Variants in NUP205 observed in about 807,000 individuals in gnomAD.
NUP205 encodes nucleoporin 205, also known as nuclear pore complex protein Nup205.
In NUP205, 76 loss-of-function variants were observed where a neutral mutation model predicts 253.8. The observed-to-expected ratio is 0.30, with a 90% CI of 0.25 to 0.36. The LOEUF is 0.36. Among genes scored for constraint, NUP205 ranks in the 10% least tolerant of loss-of-function variants. NUP205 has a pLI of 1.00. For synonymous variants in NUP205, 832 were observed against 850.1 expected (o/e 0.98, Z 0.37); for missense variants, 2,162 against 2,425.5 (o/e 0.89, Z 2.28).
chr7:135,624,353 C>T (rs1026569597), intron 31 of NUP205, among the ~76,000 whole-genome samples: 1 of 150,716 alleles, frequency 6.6e-6, no homozygotes, highest in Middle Eastern at 3.5e-3. Context: ...AGGCATGCAC[C>T]ACCATGCTGG....
intron 1 of NUP205, among the ~76,000 whole-genome samples, chr7:135,570,048 TATATAGAGAGAGAGAGAGAGAGAG>T (rs1281620550): frequency 2.0e-5 from 2 of 99,772 alleles, no homozygotes; most frequent in Admixed American, 1.1e-4. Context: ...TATATATATA[TATATAGAGAGAGAGAGAGAGAGAG>T]AGAGAGAGAG....
Position 135,619,676 on chromosome 7 carries a change from T to G in NUP205, c.4217T>G (p.Phe1406Cys), listed in dbSNP as rs929894662. 1 of 1,611,916 alleles carries G rather than the reference T, an allele frequency of 6.2e-7. No individual in the cohort carries two copies. Among genetic ancestry groups the G allele is most frequent in the Non-Finnish European group, 8.5e-7 (1 of 1,179,156 alleles). ...ATCATATTGAAGAAACTGTTAGACT[T>G]CATTTTGAAGACAGGTTTTTTTCAT... ...LYIILKKLLD[F>C]ILKTGGGFQR... is the part of the protein sequence containing the mutation. The change falls in exon 29 of 43, where the codon TTC becomes TGC. Residue 1406 changes from phenylalanine (F) to cysteine (C), a missense_variant. By Grantham distance (205) the Phe-to-Cys change is radical. This residue lies in a region of NUP205 where 1,144 missense variants were observed against 1,280.9 expected (regional missense o/e 0.89). Transcript: ENST00000285968.
At chr7:135,567,154 A>ATATATG (rs1805799096) in intron 1 of NUP205, among the ~76,000 whole-genome samples, 1 of 93,442 alleles carries the variant, frequency 1.1e-5, no homozygotes, top group Non-Finnish European at 2.2e-5. Flanking sequence ...ATATATATAT[A>ATATATG]TATATATATA....
Position 135,601,453 on chromosome 7 carries a change from C to G in NUP205, c.2458C>G (p.Leu820Val), listed in dbSNP as rs1396871174. Residue 820 changes from leucine to valine, a missense_variant, in exon 17 of 43, where the codon CTC (leucine) becomes GTC (valine). Leu to Val is a conservative substitution (Grantham distance 32, BLOSUM62 1). Transcript: ENST00000285968. ...LNESPMLELALSLLEEGVKQL... is the reference protein window; with the variant it reads ...LNESPMLELAVSLLEEGVKQL... ...TGAGTCACCAATGTTGGAGCTTGCT[C>G]TCAGTTTACTGGAAGAAGGAGTTAA... 14 of 1,613,840 alleles carry G rather than the reference C, an allele frequency of 8.7e-6. No individual in the cohort carries two copies. The highest frequency in any genetic ancestry group is 1.7e-5 in the Admixed American group (1 of 59,978).
At position 135,600,093 on chromosome 7, in the gene NUP205, G is replaced by A. The variant is rs747144279; in HGVS notation, c.2275-777G>A. ...CAGTGGAAATAATAATTTTAAAATAGTAATTCATAAAACCACCCTGTCTGC... is the reference window on the plus strand; with the variant it reads ...CAGTGGAAATAATAATTTTAAAATAATAATTCATAAAACCACCCTGTCTGC... On this transcript the variant is annotated intron_variant, in intron 15 of 42. Coordinates refer to ENST00000285968, the MANE Select transcript of NUP205 (RefSeq NM_015135.3). Among the ~76,000 whole-genome samples the A allele has an allele frequency of 5.3e-4, 81 of 152,118 alleles. 1 individual carries two copies. Among genetic ancestry groups the A allele is most frequent in the Non-Finnish European group, 1.2e-4 (8 of 68,018 alleles).
intron 1 of NUP205, among the ~76,000 whole-genome samples, chr7:135,569,924 C>T (rs75102621): frequency 0.025 from 3,791 of 151,622 alleles, 78 homozygotes; most frequent in South Asian, 0.077. Flanking sequence ...AAGGCACTTA[C>T]CTTTATTGAG....
chr7:135,585,743 G>A (rs1806444274), intron 8 of NUP205, among the ~76,000 whole-genome samples: 3 of 151,944 alleles, frequency 2.0e-5, no homozygotes, highest in Non-Finnish European at 2.9e-5. Context: ...ATTAGAATGG[G>A]GTTTCACCAT....
intron 7 of NUP205, among the ~76,000 whole-genome samples, chr7:135,579,715 G>A (rs556937718): frequency 7.9e-5 from 12 of 151,910 alleles, no homozygotes; most frequent in Admixed American, 3.9e-4. Context: ...GCTCGATCCC[G>A]GCTCACTGCA....
intron 10 of NUP205, among the ~76,000 whole-genome samples, chr7:135,589,497 A>AGG (rs1399656331): frequency 6.6e-6 from 1 of 151,154 alleles, no homozygotes; most frequent in Admixed American, 6.6e-5. Context: ...CATGTTGGTC[A>AGG]GGCTGGTCTC....
intron 23 of NUP205, 87 bp downstream of exon 23, chr7:135,614,360 T>C (rs763892192): frequency 1.2e-5 from 9 of 755,606 alleles, no homozygotes; most frequent in Non-Finnish European, 1.8e-5. Flanking sequence ...GGGGGAATTC[T>C]GTTCTCATTC....
chr7:135,619,964 C>G (rs1315946002), intron 30 of NUP205, 76 bp downstream of exon 30: 2 of 971,264 alleles, frequency 2.1e-6, no homozygotes, highest in Non-Finnish European at 3.2e-6. Flanking sequence ...AATCACTTCT[C>G]CATCTTTTGA....
rs1293669696 is a variant in NUP205 at position 135,648,440 on chromosome 7, C to T, written c.5923C>T (p.Leu1975=). Residue 1975 remains leucine (L), a synonymous_variant, in exon 43 of 43, where the codon CTA becomes TTA. Coordinates refer to ENST00000285968, the MANE Select transcript of NUP205 (RefSeq NM_015135.3). ...ADAINAFGES[L]QKKLLDIEGL... is the part of the protein sequence containing the mutation. ...TGCAATCAACGCTTTTGGAGAATCA[C>T]TACAAAAGAAACTTCTGGACATTGA... The T allele has an allele frequency of 6.2e-7, 1 of 1,602,124 alleles. No individual in the cohort carries two copies. Among genetic ancestry groups the T allele is most frequent in the African/African-American group, 1.4e-5 (1 of 74,052 alleles).
intron 26 of NUP205, 92 bp downstream of exon 26, chr7:135,617,339 T>C: frequency 1.6e-6 from 2 of 1,246,968 alleles, no homozygotes; most frequent in Non-Finnish European, 2.2e-6. Flanking sequence ...GTTTTCTTTC[T>C]GATAGAGACA....
rs1563112746 is a variant in NUP205 at position 135,576,453 on chromosome 7, A to G, written c.488+39A>G. The G allele has an allele frequency of 2.5e-6, 4 of 1,577,266 alleles. No homozygotes were observed. The South Asian group carries it at 4.6e-5, about 18-fold the overall frequency. On this transcript the variant is annotated intron_variant, in intron 4 of 42. Coordinates refer to ENST00000285968, the MANE Select transcript of NUP205 (RefSeq NM_015135.3). The stretch of plus-strand genomic sequence containing the variant: ...TTGGGATTTCAGGGGTTAATTTGAA[A>G]TTACTTGAAGTATGACAATATTTCC...
intron 31 of NUP205, among the ~76,000 whole-genome samples, chr7:135,623,320 A>G (rs1794516172): frequency 6.6e-6 from 1 of 151,424 alleles, no homozygotes; most frequent in African/African-American, 2.4e-5. Flanking sequence ...AACTTTTAAT[A>G]ATGTATGGTA....
Position 135,644,966 on chromosome 7 carries a change from G to A in NUP205, c.5631G>A (p.Arg1877=). 1 of 1,614,142 alleles carries A rather than the reference G, an allele frequency of 6.2e-7. No homozygotes were observed. The highest frequency in any genetic ancestry group is 1.1e-5 in the South Asian group (1 of 91,082). ...STAQKYVLAR[R]RLVKVINNRA... is the part of the protein sequence containing the mutation. The stretch of plus-strand genomic sequence containing the variant: ...CTCAGAAATATGTTCTAGCAAGACG[G>A]CGCTTGGTGAAGGTGATCAACAATC... Residue 1877 remains arginine (R), a synonymous_variant, in exon 40 of 43, where the codon CGG becomes CGA. Coordinates refer to ENST00000285968, the MANE Select transcript of NUP205 (RefSeq NM_015135.3).
chr7:135,643,897 T>A (rs1206001486), intron 39 of NUP205, among the ~76,000 whole-genome samples: 1 of 152,226 alleles, frequency 6.6e-6, no homozygotes, highest in Non-Finnish European at 1.5e-5. Flanking sequence ...AAGGCATCTC[T>A]TGGCCAGTTC....
Position 135,587,982 on chromosome 7 carries a change from C to T in NUP205, c.1463C>T (p.Pro488Leu), listed in dbSNP as rs1244829473. 1.2e-6 allele frequency: 2 copies of T among 1,612,516 alleles called. No homozygotes were observed. Among genetic ancestry groups the T allele is most frequent in the East Asian group, 2.2e-5 (1 of 44,868 alleles). ...SYLGVAHQRP[P>L]QRQVVLSKFV... ...CTAGGGGTGGCTCATCAGCGGCCCC[C>T]TCAACGCCAGGTGAGTCTTTAGGTT... The change falls in exon 10 of 43, where the codon CCT becomes CTT. Residue 488 changes from proline (P) to leucine (L), a missense_variant. Physicochemically the swap from Pro to Leu is moderately conservative, Grantham distance 98. Transcript: ENST00000285968.
At chr7:135,609,069 A>T (rs1423703773) in intron 22 of NUP205, among the ~76,000 whole-genome samples, 2 of 142,478 alleles carry the variant, frequency 1.4e-5, no homozygotes, top group African/African-American at 2.7e-5. Context: ...GTGCCACTGT[A>T]CTCCAGCCTG....
Sources: allele counts gnomAD v4.1 joint callset (sites outside exome capture counted in the v4.1 genomes callset), GRCh38; gene constraint gnomAD v4.1.1; regional missense constraint gnomAD v4.1.1; transcripts MANE v1.5; gene names NCBI Gene and HGNC (gene_info 2026-07-23, HGNC 2026-07-21).